The following MBD5 variants were observed in gnomAD, a reference collection of about 807,000 sequenced individuals.
The protein encoded by MBD5 is methyl-CpG binding domain protein 5.
Under a neutral mutation model 117.3 loss-of-function variants are expected in MBD5, and 13 were observed. The ratio of observed to expected loss-of-function variants is 0.11; its 90% CI spans 0.07 to 0.18. MBD5 has a LOEUF of 0.18. Ranked by LOEUF, MBD5 falls within the 10% of genes least tolerant of loss-of-function variation. The pLI is 1.00. For missense variants in MBD5, 1,879 were observed against 2,093.8 expected (o/e 0.90, Z 2.00); for synonymous variants, 727 against 766.4 (o/e 0.95, Z 0.85).
At chr2:148,126,319 T>A (rs1440462191) in intron 1 of MBD5, among the ~76,000 whole-genome samples, 1 of 147,532 alleles carries the variant, frequency 6.8e-6, no homozygotes, top group African/African-American at 2.5e-5. Context: ...GGCAGGAGAA[T>A]CGCTTGAACC....
intron 3 of MBD5, among the ~76,000 whole-genome samples, chr2:148,284,827 CA>C (rs1394114848): frequency 1.3e-5 from 2 of 152,020 alleles, no homozygotes; most frequent in African/African-American, 4.8e-5. Flanking sequence ...TGTAACTACT[CA>C]AAATCAGAAT....
chr2:148,302,935 A>G (rs2106486208), intron 3 of MBD5, among the ~76,000 whole-genome samples: 1 of 150,186 alleles, frequency 6.7e-6, no homozygotes, highest in Admixed American at 6.6e-5. Context: ...TAAAGCGTAT[A>G]TGTTTCATTA....
intron 4 of MBD5, among the ~76,000 whole-genome samples, chr2:148,372,002 C>T (rs1703867371): frequency 6.6e-6 from 1 of 151,912 alleles, no homozygotes. Flanking sequence ...AGATACAGTC[C>T]CCATTCTCAA....
At chr2:148,280,151 C>CAAAAAAAAAAAAAAAAAAAAAAAAA (rs1474298212) in intron 3 of MBD5, among the ~76,000 whole-genome samples, 1 of 92,608 alleles carries the variant, frequency 1.1e-5, no homozygotes, top group Non-Finnish European at 2.2e-5. Flanking sequence ...AAAAAAAAAA[C>CAAAAAAAAAAAAAAAAAAAAAAAAA]AAAAAGAAAA....
At chr2:148,069,070 G>A (rs1383931230) in intron 1 of MBD5, among the ~76,000 whole-genome samples, 1 of 151,914 alleles carries the variant, frequency 6.6e-6, no homozygotes, top group Non-Finnish European at 1.5e-5. Context: ...CTTCTCTTTT[G>A]GAAAATTAAA....
At position 148,294,501 on chromosome 2, in the gene MBD5, G is replaced by GTTTTTTTTTTTTTGTTTTTTTTTTTTTTT. The variant is rs761709621; in HGVS notation, c.-679-47700_-679-47699insGTTTTTTTTTTTTTTTTTTTTTTTTTTTT. ...GGCCTCCCAAAGTGCTGGGATTACAGTTTTTTTTTTTTTTTTTTTTGAGAT... is the reference window on the plus strand; with the variant it reads ...GGCCTCCCAAAGTGCTGGGATTACAGTTTTTTTTTTTTTGTTTTTTTTTTTTTTTTTTTTTTTTTTTTTTTTTTTGAGAT... On this transcript the variant is annotated intron_variant, in intron 3 of 13. Coordinates refer to ENST00000642680, the MANE Select transcript of MBD5 (RefSeq NM_001378120.1). Among the ~76,000 whole-genome samples the GTTTTTTTTTTTTTGTTTTTTTTTTTTTTT allele has an allele frequency of 2.1e-4, 24 of 113,260 alleles. 1 individual carries two copies. Among genetic ancestry groups the GTTTTTTTTTTTTTGTTTTTTTTTTTTTTT allele is most frequent in the African/African-American group, 4.8e-4 (13 of 27,298 alleles). The allele number at this position is 113,260 out of a possible 152,430, so 74.3% of individuals were successfully genotyped here.
At chr2:148,253,243 C>T (rs748085005) in intron 3 of MBD5, among the ~76,000 whole-genome samples, 3 of 152,212 alleles carry the variant, frequency 2.0e-5, no homozygotes, top group Middle Eastern at 3.4e-3. Flanking sequence ...TATATTGACC[C>T]CCTACTCTTT....
chr2:148,092,940 C>G (rs1198983861), intron 1 of MBD5, among the ~76,000 whole-genome samples: 1 of 149,710 alleles, frequency 6.7e-6, no homozygotes, highest in Non-Finnish European at 1.5e-5. Context: ...TTTTTTTTGA[C>G]GGAGTATCGC....
chr2:148,455,695 A>C (rs376413411), intron 4 of MBD5, among the ~76,000 whole-genome samples: 1 of 152,000 alleles, frequency 6.6e-6, no homozygotes, highest in Non-Finnish European at 1.5e-5. Context: ...CAGATCCACA[A>C]ATTACTTAAT....
At chr2:148,399,616 TC>T (rs1238153253) in intron 4 of MBD5, among the ~76,000 whole-genome samples, 1 of 152,168 alleles carries the variant, frequency 6.6e-6, no homozygotes, top group African/African-American at 2.4e-5. Flanking sequence ...CAATTTGACT[TC>T]CTCTTTACCT....
At chr2:148,382,037 G>C (rs1363957539) in intron 4 of MBD5, among the ~76,000 whole-genome samples, 8 of 152,138 alleles carry the variant, frequency 5.3e-5, no homozygotes, top group Non-Finnish European at 4.4e-5. Flanking sequence ...AGGCTACGAA[G>C]AAACTGCATC....
At chr2:148,348,459 T>A in intron 4 of MBD5, among the ~76,000 whole-genome samples, 1 of 152,146 alleles carries the variant, frequency 6.6e-6, no homozygotes, top group African/African-American at 2.4e-5. Context: ...TATTTTCAAA[T>A]AAAGGTTTAT....
Position 148,216,975 on chromosome 2 carries a change from C to T in MBD5, c.-830-16270C>T, listed in dbSNP as rs184790015. Among the ~76,000 whole-genome samples, 3 of 152,260 alleles carry T rather than the reference C, an allele frequency of 2.0e-5. No individual in the cohort carries two copies. In the East Asian group the frequency reaches 5.8e-4, roughly 29 times the overall value. Reference sequence around the variant, plus strand: ...GCATCTGACAAAAGTTGCTTTTTCCCTTCTGCATTTTAGGACCTAAAGTAA... The same window carrying T: ...GCATCTGACAAAAGTTGCTTTTTCCTTTCTGCATTTTAGGACCTAAAGTAA... On this transcript the variant is annotated intron_variant, in intron 2 of 13. Transcript: ENST00000642680.
At chr2:148,310,634 G>T (rs960976797) in intron 3 of MBD5, among the ~76,000 whole-genome samples, 2 of 151,908 alleles carry the variant, frequency 1.3e-5, no homozygotes. Context: ...TGTTTTTCGT[G>T]TCTCTCTATC....
At chr2:148,131,503 G>A (rs1287809126) in intron 1 of MBD5, among the ~76,000 whole-genome samples, 1 of 152,112 alleles carries the variant, frequency 6.6e-6, no homozygotes, top group Non-Finnish European at 1.5e-5. Flanking sequence ...AGTCCAGCCT[G>A]GGCAACATAA....
rs1558914672 is a variant in MBD5, at chr2:148,074,483, T to TGTTTTTTTTTTG, written c.-925+52800_-925+52811dup. Reference sequence around the variant, plus strand: ...AACTAGTACCTTCAAAGGAATAGTTTGTTTTTTTTTTGTTTTTTTTTTTGT... The same window carrying TGTTTTTTTTTTG: ...AACTAGTACCTTCAAAGGAATAGTTTGTTTTTTTTTTGGTTTTTTTTTTGTTTTTTTTTTTGT... On this transcript the variant is annotated intron_variant, in intron 1 of 13. Transcript: ENST00000642680. 1.2e-4 allele frequency among the ~76,000 whole-genome samples: 17 copies of TGTTTTTTTTTTG among 140,778 alleles called. 1 individual carries two copies. The highest frequency in any genetic ancestry group is 6.1e-5 in the Non-Finnish European group (4 of 65,772). The allele number at this position is 140,778 out of a possible 152,430, so 92.4% of individuals were successfully genotyped here.
intron 1 of MBD5, among the ~76,000 whole-genome samples, chr2:148,098,697 G>C (rs1215458122): frequency 6.6e-6 from 1 of 152,116 alleles, no homozygotes; most frequent in Non-Finnish European, 1.5e-5. Context: ...TGTTTCAGAA[G>C]TCCCGTGGTG....
intron 4 of MBD5, among the ~76,000 whole-genome samples, chr2:148,407,190 A>G (rs952272053): frequency 5.9e-5 from 9 of 152,240 alleles, no homozygotes; most frequent in African/African-American, 2.2e-4. Flanking sequence ...TTCGAATAAG[A>G]TGAAAAAGAT....
chr2:148,345,322 T>C (rs1312767601), intron 4 of MBD5, among the ~76,000 whole-genome samples: 2 of 144,536 alleles, frequency 1.4e-5, no homozygotes, highest in South Asian at 4.2e-4. Flanking sequence ...CACACATATA[T>C]ATATATATGT....
Sources: gnomAD v4.1 joint callset for allele counts (sites outside exome capture counted in the v4.1 genomes callset) on GRCh38, gnomAD v4.1.1 for gene constraint, MANE v1.5 for transcripts, NCBI Gene and HGNC (gene_info 2026-07-23, HGNC 2026-07-21) for gene names.